The following GON4L variants were observed in gnomAD, a reference collection of about 807,000 sequenced individuals.
The protein encoded by GON4L is GON-4-like protein.
GON4L carries 87 observed loss-of-function variants against 211.8 expected under a neutral mutation model. That is an observed-to-expected ratio of 0.41 (90% CI 0.35 to 0.49). The LOEUF is 0.49. Ranked by LOEUF, GON4L falls within the 20% of genes least tolerant of loss-of-function variation. The pLI is 0.15. For missense variants in GON4L, 2,155 were observed against 2,659.5 expected (o/e 0.81, Z 4.17); for synonymous variants, 875 against 962.6 (o/e 0.91, Z 1.68).
At chr1:155,806,171 T>A (rs1227117450) in intron 10 of GON4L, among the ~76,000 whole-genome samples, 12 of 150,150 alleles carry the variant, frequency 8.0e-5, no homozygotes, top group South Asian at 2.1e-4. Flanking sequence ...TTTTTTTTTT[T>A]AGATGGAGTC....
chr1:155,767,151 C>T, intron 20 of GON4L: 2 of 758,464 alleles, frequency 2.6e-6, no homozygotes, highest in Non-Finnish European at 4.2e-6. Context: ...GGTCTCTCTG[C>T]ATATCAAATC....
At chr1:155,840,786 A>G (rs1406802354) in intron 2 of GON4L, among the ~76,000 whole-genome samples, 1 of 152,112 alleles carries the variant, frequency 6.6e-6, no homozygotes, top group Non-Finnish European at 1.5e-5. Flanking sequence ...TAATCCCAGC[A>G]CTCTGGGAGG....
At chr1:155,764,366 C>T (rs1662190913) in intron 21 of GON4L, 1 of 165,548 alleles carries the variant, frequency 6.0e-6, no homozygotes, top group East Asian at 1.7e-4. Context: ...GATCTGCCCG[C>T]CTTGGCCTCC....
intron 2 of GON4L, among the ~76,000 whole-genome samples, chr1:155,843,913 C>A (rs565509746): frequency 6.6e-6 from 1 of 152,258 alleles, no homozygotes; most frequent in Non-Finnish European, 1.5e-5. Flanking sequence ...GAAATCCTAC[C>A]CCATACCCAC....
intron 14 of GON4L, among the ~76,000 whole-genome samples, chr1:155,783,378 A>C (rs1403387340): frequency 6.6e-6 from 1 of 152,316 alleles, no homozygotes; most frequent in South Asian, 2.1e-4. Context: ...GCATCCTGAC[A>C]TCTAGCCATC....
chr1:155,816,141 G>GGAAGTACTTAAGTTTCAAAAC (rs1419708608), intron 7 of GON4L, 71 bp downstream of exon 7: 61 of 778,512 alleles, frequency 7.8e-5, no homozygotes, highest in Non-Finnish European at 1.1e-4. Flanking sequence ...AAGTTAAAGA[G>GGAAGTACTTAAGTTTCAAAAC]GAAGTACTTA....
chr1:155,820,194 A>G (rs922760210), intron 6 of GON4L, among the ~76,000 whole-genome samples: 1 of 152,204 alleles, frequency 6.6e-6, no homozygotes. Flanking sequence ...GATTACAGGC[A>G]TGAGCCACTA....
rs371177822 is a variant in GON4L at position 155,777,533 on chromosome 1, C to T, written c.2091+89G>A. Reference sequence around the variant, plus strand: ...AGCAGAGGTTGAAGTGAGCCGATATCGGGCCACTGCACTCCAGGCTGGGAG... The same window carrying T: ...AGCAGAGGTTGAAGTGAGCCGATATTGGGCCACTGCACTCCAGGCTGGGAG... On this transcript the variant is annotated intron_variant, in intron 15 of 31. Transcript: ENST00000368331. 171 of 954,654 alleles carry T rather than the reference C, an allele frequency of 1.8e-4. 3 individuals carry two copies. Among genetic ancestry groups the T allele is most frequent in the East Asian group, 9.3e-4 (39 of 41,886 alleles). The allele number at this position is 954,654 out of a possible 1,614,324, so 59.1% of individuals were successfully genotyped here. A position where few individuals can be genotyped will look rare whatever the true frequency, so the allele number is the denominator to read the frequency against.
chr1:155,794,751 T>G (rs1665915513), intron 12 of GON4L, among the ~76,000 whole-genome samples: 1 of 152,222 alleles, frequency 6.6e-6, no homozygotes, highest in African/African-American at 2.4e-5. Flanking sequence ...TAACTTTTTC[T>G]GTTTCTATCA....
intron 2 of GON4L, among the ~76,000 whole-genome samples, chr1:155,852,487 A>G (rs918128798): frequency 1.1e-4 from 17 of 152,158 alleles, no homozygotes; most frequent in Admixed American, 9.2e-4. Context: ...TCACGCTTGT[A>G]ATCCAGCACT....
intron 1 of GON4L, among the ~76,000 whole-genome samples, chr1:155,856,800 G>A (rs1303231605): frequency 6.8e-6 from 1 of 147,928 alleles, no homozygotes; most frequent in Non-Finnish European, 1.5e-5. Context: ...AGGAAAGAAA[G>A]ACAGCTACTT....
Position 155,853,554 on chromosome 1 carries a change from G to A in GON4L, c.227C>T (p.Thr76Ile). Residue 76 changes from threonine to isoleucine, a missense_variant, in exon 2 of 32, where the codon ACA becomes ATA. Coordinates refer to ENST00000368331, the MANE Select transcript of GON4L (RefSeq NM_001282860.2). ...GGTGAGCATTCCAGAGCTCAGAGAT[G>A]TATCCTCCATACCAAGCTGATTTCC... is the stretch of plus-strand genomic sequence containing the variant. Reference protein sequence around the residue: ...DAGNQLGMEDTSLSSGMLTQN... With the variant: ...DAGNQLGMEDISLSSGMLTQN... The A allele has an allele frequency of 1.2e-6, 2 of 1,614,180 alleles. No homozygotes were observed. Among genetic ancestry groups the A allele is most frequent in the South Asian group, 1.1e-5 (1 of 91,086 alleles).
chr1:155,777,848 T>G, intron 14 of GON4L, 28 bp from the exon 15 acceptor site: 1 of 1,444,688 alleles, frequency 6.9e-7, no homozygotes, highest in East Asian at 2.3e-5. Context: ...ATGACTGAAT[T>G]TGAGTGTTTC....
intron 17 of GON4L, 168 bp downstream of exon 17, chr1:155,774,834 T>C: frequency 1.1e-6 from 1 of 879,766 alleles, no homozygotes; most frequent in East Asian, 2.6e-5. Context: ...CATGTAATTC[T>C]AGAACTTGGA....
intron 10 of GON4L, among the ~76,000 whole-genome samples, chr1:155,809,999 TATA>T (rs1667583255): frequency 8.9e-5 from 11 of 123,942 alleles, no homozygotes; most frequent in Admixed American, 2.7e-4. Context: ...TAATTATATA[TATA>T]TATATATTTT....
At chr1:155,830,232 G>A (rs1200350867) in intron 2 of GON4L, among the ~76,000 whole-genome samples, 1 of 151,106 alleles carries the variant, frequency 6.6e-6, no homozygotes, top group Non-Finnish European at 1.5e-5. Context: ...TTACAGGCAT[G>A]AGCCACGCAC....
intron 2 of GON4L, among the ~76,000 whole-genome samples, chr1:155,847,370 G>C (rs1671346706): frequency 6.6e-6 from 1 of 152,082 alleles, no homozygotes; most frequent in African/African-American, 2.4e-5. Context: ...AGGAGTTCAA[G>C]ACCAGCCTGG....
In GON4L at chr1:155,762,300, C is replaced by T; in HGVS notation, c.4801G>A (p.Ala1601Thr). The T allele has an allele frequency of 6.2e-7, 1 of 1,613,602 alleles. No homozygotes were observed. The change falls in exon 23 of 32, where the codon GCC (alanine) becomes ACC (threonine). Residue 1601 changes from alanine to threonine, a missense_variant. Transcript: ENST00000368331. Reference protein sequence around the residue: ...ARNKRGSRARASKDTSKLLLL... With the variant: ...ARNKRGSRARTSKDTSKLLLL... ...AGCAGCTTGGAGGTGTCCTTGCTGG[C>T]CCGAGCCCGACTTCCCCGCTTGTTG... is the stretch of plus-strand genomic sequence containing the variant.
chr1:155,760,718 A>G, intron 23 of GON4L, 77 bp from the exon 24 acceptor site: 1 of 971,256 alleles, frequency 1.0e-6, no homozygotes, highest in Non-Finnish European at 1.7e-6. Context: ...GGGAGAAGGC[A>G]GGGTTATGGT....
Sources: gnomAD v4.1 joint callset for allele counts (sites outside exome capture counted in the v4.1 genomes callset) on GRCh38, gnomAD v4.1.1 for gene constraint, MANE v1.5 for transcripts, NCBI Gene and HGNC (gene_info 2026-07-23, HGNC 2026-07-21) for gene names.